Variants in POLA1 observed in about 807,000 individuals in gnomAD.
POLA1 encodes the protein DNA polymerase alpha catalytic subunit.
POLA1 carries 15 observed loss-of-function variants against 124.0 expected under a neutral mutation model. The ratio of observed to expected loss-of-function variants is 0.12; its 90% CI spans 0.08 to 0.19. The LOEUF is 0.19. Among genes scored for constraint, POLA1 ranks in the 10% least tolerant of loss-of-function variants. POLA1 has a pLI of 1.00. For missense variants in POLA1, 886 were observed against 1,103.4 expected (o/e 0.80, Z 2.79); for synonymous variants, 408 against 389.4 (o/e 1.05, Z -0.56).
chrX:24,864,130 T>C (rs1018595344), intron 34 of POLA1, among the ~76,000 whole-genome samples: 2 of 110,107 alleles, frequency 1.8e-5, no homozygotes, highest in Non-Finnish European at 3.8e-5. Flanking sequence ...TACAGGCGCC[T>C]ACCACCACGC....
chrX:24,787,760 G>A (rs1176624069), intron 26 of POLA1, among the ~76,000 whole-genome samples: 4 of 111,929 alleles, frequency 3.6e-5, no homozygotes, highest in Non-Finnish European at 7.5e-5. Context: ...AAATGCCATT[G>A]GAATTTTGAT....
At chrX:24,930,570 TACC>T (rs757498487) in intron 36 of POLA1, 21 bp downstream of exon 36, 3 of 972,737 alleles carry the variant, frequency 3.1e-6, no homozygotes, top group Non-Finnish European at 2.9e-6. Context: ...ATACTGTAAT[TACC>T]TTTGAGTTTA....
At chrX:24,814,919 G>A in intron 29 of POLA1, 60 bp from the exon 30 acceptor site, 1 of 1,016,201 alleles carries the variant, frequency 9.8e-7, no homozygotes, top group Non-Finnish European at 1.3e-6. Context: ...TCCTTTACTA[G>A]TAAAATATAT....
chrX:24,697,528 A>ATGTCTTT (rs1409470714), intron 1 of POLA1, among the ~76,000 whole-genome samples: 1 of 112,176 alleles, frequency 8.9e-6, no homozygotes, highest in African/African-American at 3.2e-5. Flanking sequence ...TGAAAGTCAA[A>ATGTCTTT]CAATAGAGTG....
chrX:24,733,211 C>G (rs1264163882), intron 16 of POLA1, among the ~76,000 whole-genome samples: 2 of 111,848 alleles, frequency 1.8e-5, no homozygotes, highest in Non-Finnish European at 3.8e-5. Flanking sequence ...GTGAAGTTTT[C>G]CCCCTTAAGT....
rs748300175 is a variant in POLA1 at position 24,717,394 on chromosome X, C to T, written c.811C>T (p.Leu271=). 57 of 1,208,353 alleles carry T rather than the reference C, an allele frequency of 4.7e-5. No individual in the cohort carries two copies. Among genetic ancestry groups the T allele is most frequent in the Non-Finnish European group, 6.3e-5 (56 of 893,954 alleles). The change falls in exon 9 of 37, where the codon CTG becomes TTG. Residue 271 remains leucine, a synonymous_variant. Coordinates refer to ENST00000379068, the MANE Select transcript of POLA1 (RefSeq NM_001330360.2). ...GCCCATGGAAGTTGAAGAGGTGGAC[C>T]TGGAGCCTATGGCTGCCAAGGCTTG... ...DEPMEVEEVD[L]EPMAAKAWDK... is the part of the protein sequence containing the mutation.
intron 23 of POLA1, 38 bp downstream of exon 23, chrX:24,743,367 A>G (rs772917651): frequency 7.2e-5 from 51 of 706,535 alleles, no homozygotes; most frequent in Non-Finnish European, 1.1e-4. Context: ...TCCCAGTATT[A>G]AGGAATTTCT....
chrX:24,789,506 A>G (rs145694550), intron 26 of POLA1, among the ~76,000 whole-genome samples: 3,265 of 111,860 alleles, frequency 0.029, 114 homozygotes, highest in African/African-American at 0.098. Flanking sequence ...AAGAAAGTGA[A>G]GACACAAATA....
At chrX:24,880,848 A>T (rs935425170) in intron 34 of POLA1, among the ~76,000 whole-genome samples, 1 of 111,746 alleles carries the variant, frequency 8.9e-6, no homozygotes, top group Non-Finnish European at 1.9e-5. Context: ...GAGTACATCT[A>T]GTTTTGGTAT....
chrX:24,926,099 G>T (rs1038289136), intron 35 of POLA1, among the ~76,000 whole-genome samples: 3 of 108,549 alleles, frequency 2.8e-5, no homozygotes, highest in African/African-American at 6.7e-5. Context: ...CCAGCTACAT[G>T]GGAGGCTTAG....
intron 18 of POLA1, among the ~76,000 whole-genome samples, chrX:24,735,717 A>T (rs1321496049): frequency 1.8e-5 from 2 of 110,956 alleles, no homozygotes; most frequent in African/African-American, 6.6e-5. Flanking sequence ...GAAGTTAAGG[A>T]TTGTCTGGCT....
intron 34 of POLA1, among the ~76,000 whole-genome samples, chrX:24,881,785 A>T (rs1212783721): frequency 8.9e-6 from 1 of 111,886 alleles, no homozygotes; most frequent in Non-Finnish European, 1.9e-5. Context: ...GGAACTGATG[A>T]TCAAGGAATC....
At chrX:24,750,081 T>G (rs750204228) in intron 26 of POLA1, among the ~76,000 whole-genome samples, 1 of 112,166 alleles carries the variant, frequency 8.9e-6, no homozygotes, top group South Asian at 3.7e-4. Flanking sequence ...TCTATTTTTG[T>G]AAATAATGTT....
intron 34 of POLA1, among the ~76,000 whole-genome samples, chrX:24,868,521 A>C (rs111980192): frequency 0.012 from 1,324 of 112,263 alleles, 19 homozygotes; most frequent in African/African-American, 0.041. Flanking sequence ...AAGAGGCAAG[A>C]GAGTAACAGT....
chrX:24,740,464 G>A (rs1007062264), intron 20 of POLA1, among the ~76,000 whole-genome samples: 3 of 111,690 alleles, frequency 2.7e-5, no homozygotes, highest in Admixed American at 1.9e-4. Flanking sequence ...CCTTGTGGTC[G>A]ATTCTCAATC....
intron 26 of POLA1, among the ~76,000 whole-genome samples, chrX:24,790,911 G>GTA (rs56343314): frequency 0.2 from 15,892 of 77,892 alleles, 1,321 homozygotes; most frequent in Non-Finnish European, 0.24. Context: ...TTATGTATAT[G>GTA]TATATATATA....
At chrX:24,905,330 A>T (rs753813910) in intron 35 of POLA1, among the ~76,000 whole-genome samples, 441 of 104,883 alleles carry the variant, frequency 4.2e-3, no homozygotes, top group African/African-American at 0.015. Flanking sequence ...TGAGACTCAT[A>T]CTATTCAAAA....
chrX:24,769,468 A>G (rs769071603), intron 26 of POLA1, among the ~76,000 whole-genome samples: 1 of 111,631 alleles, frequency 9.0e-6, no homozygotes, highest in East Asian at 2.8e-4. Context: ...GCTATAGCCT[A>G]GGTCCCAAGG....
At chrX:24,925,210 G>C (rs1202271928) in intron 35 of POLA1, among the ~76,000 whole-genome samples, 1 of 111,849 alleles carries the variant, frequency 8.9e-6, no homozygotes, top group African/African-American at 3.2e-5. Context: ...TACGTTTTGG[G>C]TTTTTTGGCA....
Sources: allele counts gnomAD v4.1 joint callset (sites outside exome capture counted in the v4.1 genomes callset), GRCh38; gene constraint gnomAD v4.1.1; transcripts MANE v1.5; gene names NCBI Gene and HGNC (gene_info 2026-07-23, HGNC 2026-07-21).